Variants in EVL observed in about 807,000 individuals in gnomAD.
EVL encodes ena/VASP-like protein.
In EVL, 21 loss-of-function variants were observed where a neutral mutation model predicts 59.6. The observed-to-expected ratio is 0.35, with a 90% CI of 0.25 to 0.51. The LOEUF (loss-of-function observed/expected upper bound fraction) is 0.51. Ranked by LOEUF, EVL falls within the 20% of genes least tolerant of loss-of-function variation. The probability of loss-of-function intolerance (pLI) is 0.97; values close to 1 mark genes in which losing one functional copy is unlikely to be tolerated. For missense variants in EVL, 462 were observed against 546.6 expected, an observed-to-expected ratio of 0.85 and a Z score of 1.54; for synonymous variants, 198 against 203.5, an observed-to-expected ratio of 0.97 and a Z score of 0.23.
chr14:100,126,803 C>T (rs767809844), intron 5 of EVL, 32 bp downstream of exon 5: 3 of 1,604,978 alleles, frequency 1.9e-6, no homozygotes, highest in South Asian at 2.2e-5. Context: ...GGCCGACTCC[C>T]ATGCTGCTGC....
intron 1 of EVL, among the ~76,000 whole-genome samples, chr14:100,074,018 G>T (rs1301200085): frequency 1.3e-5 from 2 of 151,760 alleles, no homozygotes; most frequent in African/African-American, 4.9e-5. Flanking sequence ...CGGTGGGGGC[G>T]GGGGGTCGGG....
chr14:100,112,752 C>T (rs1887085582), intron 3 of EVL, among the ~76,000 whole-genome samples: 1 of 152,240 alleles, frequency 6.6e-6, no homozygotes, highest in Non-Finnish European at 1.5e-5. Flanking sequence ...GAACGACCCA[C>T]ACACATTCCT....
intron 1 of EVL, among the ~76,000 whole-genome samples, chr14:99,982,747 G>A (rs979811618): frequency 6.6e-6 from 1 of 152,150 alleles, no homozygotes; most frequent in Non-Finnish European, 1.5e-5. Context: ...AGTTAATGTA[G>A]GTATGTAAAG....
intron 2 of EVL, among the ~76,000 whole-genome samples, chr14:100,091,897 C>T (rs918055078): frequency 6.6e-5 from 10 of 152,080 alleles, no homozygotes; most frequent in African/African-American, 1.7e-4. Context: ...GGACACTTGA[C>T]GTCTACTTGA....
chr14:100,039,803 A>G (rs2061440359), intron 1 of EVL, among the ~76,000 whole-genome samples: 1 of 151,932 alleles, frequency 6.6e-6, no homozygotes. Context: ...TGTTTTTAAT[A>G]GAGACAGGGT....
intron 3 of EVL, among the ~76,000 whole-genome samples, chr14:100,118,189 G>C (rs926876067): frequency 6.6e-6 from 1 of 152,150 alleles, no homozygotes; most frequent in African/African-American, 2.4e-5. Context: ...GGCCACGCCT[G>C]ACCGCCCGAG....
chr14:100,113,008 T>TA (rs771252274), intron 3 of EVL, among the ~76,000 whole-genome samples: 7 of 152,182 alleles, frequency 4.6e-5, no homozygotes, highest in Admixed American at 2.6e-4. Flanking sequence ...CAGTGTATGT[T>TA]ATGCTATGAT....
intron 2 of EVL, among the ~76,000 whole-genome samples, chr14:100,091,394 C>CTCTG (rs58862757): frequency 0.28 from 42,137 of 152,010 alleles, 8,642 homozygotes; most frequent in African/African-American, 0.58. Context: ...GGTTTCCCCA[C>CTCTG]TCTGTTATTG....
At position 100,106,778 on chromosome 14, in the gene EVL, C is replaced by T. The variant is rs932157754; in HGVS notation, c.358+9120C>T. 1.8e-5 allele frequency: 7 copies of T among 398,292 alleles called. No homozygotes were observed. In the East Asian group the frequency reaches 1.8e-4, roughly 10 times the overall value. 24.7% of individuals were successfully genotyped at this position (398,292 alleles called of 1,614,324 possible). A position where few individuals can be genotyped will look rare whatever the true frequency, so the allele number is the denominator to read the frequency against. ...TTGCATCTGTGTCTTGCCTGGTTGT[C>T]GCTTAACAGTGCCATGGAGATAGCA... On this transcript the variant is annotated intron_variant, in intron 3 of 13. Transcript: ENST00000392920.
chr14:100,078,415 A>G (rs567227029), intron 1 of EVL, among the ~76,000 whole-genome samples: 46 of 152,310 alleles, frequency 3.0e-4, no homozygotes, highest in Admixed American at 2.7e-3. Flanking sequence ...GAATGAGGAC[A>G]TAGCAGTGCC....
chr14:100,097,041 A>G (rs1450189249), intron 2 of EVL: 1 of 156,776 alleles, frequency 6.4e-6, no homozygotes, highest in Admixed American at 6.1e-5. Context: ...CTTTATATCT[A>G]GAAGGTAAGC....
At chr14:100,103,501 G>T (rs1263137364) in intron 3 of EVL, among the ~76,000 whole-genome samples, 2 of 151,898 alleles carry the variant, frequency 1.3e-5, no homozygotes, top group South Asian at 4.2e-4. Flanking sequence ...TGGCCTCCTG[G>T]GACACTTGGT....
Position 100,141,774 on chromosome 14 carries a change from G to A in EVL, c.1200G>A (p.Val400=), listed in dbSNP as rs528714336. 37 of 1,613,310 alleles carry A rather than the reference G, an allele frequency of 2.3e-5. No homozygotes were observed. The highest frequency in any genetic ancestry group is 3.1e-5 in the Non-Finnish European group (36 of 1,179,962). The part of the protein sequence containing the change: ...LEEVVRELHK[V]KEEIIDAIRQ... The stretch of plus-strand genomic sequence containing the variant: ...AGGTGGTGAGAGAGCTCCACAAGGT[G>A]AAGGAGGAGATCATCGACGGTGAGT... Residue 400 remains valine (V), a synonymous_variant, in exon 13 of 14, where the codon GTG becomes GTA. Transcript: ENST00000392920.
chr14:100,000,414 C>T (rs1377572349), intron 1 of EVL, among the ~76,000 whole-genome samples: 2 of 137,616 alleles, frequency 1.5e-5, no homozygotes, highest in African/African-American at 5.5e-5. Flanking sequence ...GTGGCGCGAT[C>T]TCTGCTCACT....
intron 12 of EVL, among the ~76,000 whole-genome samples, 197 bp downstream of exon 12, chr14:100,141,443 G>C (rs968123116): frequency 6.6e-6 from 1 of 152,206 alleles, no homozygotes; most frequent in Non-Finnish European, 1.5e-5. Context: ...CCAGAACTAG[G>C]ATGTCCCTCA....
chr14:100,070,677 G>A (rs1300077454), intron 1 of EVL, among the ~76,000 whole-genome samples: 3 of 152,198 alleles, frequency 2.0e-5, no homozygotes, highest in Non-Finnish European at 4.4e-5. Flanking sequence ...TGTGTCTTCA[G>A]GGGTGTTTGT....
chr14:100,102,699 A>AC (rs1886298466), intron 3 of EVL, among the ~76,000 whole-genome samples: 1 of 151,982 alleles, frequency 6.6e-6, no homozygotes, highest in Non-Finnish European at 1.5e-5. Context: ...GCTGGCCCCT[A>AC]CCCACCCGTT....
Position 100,109,280 on chromosome 14 carries a change from C to T in EVL, c.358+11622C>T, listed in dbSNP as rs1336730889. ...CGTCTAAAGGGGCCCCGCCCCTGCC[C>T]TCATGCATGTTCTCTCCATACTCCT... is the stretch of plus-strand genomic sequence containing the variant. On this transcript the variant is annotated intron_variant, in intron 3 of 13. Transcript: ENST00000392920. The surrounding 1 kb of genome is among the most constrained non-coding windows in gnomAD (Gnocchi z 4.3). The T allele has an allele frequency of 3.0e-6, 1 of 331,656 alleles. No homozygotes were observed. The highest frequency in any genetic ancestry group is 5.9e-6 in the Non-Finnish European group (1 of 169,928). The allele number at this position is 331,656 out of a possible 1,614,324, so 20.5% of individuals were successfully genotyped here.
At chr14:100,058,039 TCA>T (rs1022247481) in intron 1 of EVL, among the ~76,000 whole-genome samples, 36 of 152,214 alleles carry the variant, frequency 2.4e-4, no homozygotes, top group African/African-American at 8.7e-4. Flanking sequence ...ACCCTTTCAT[TCA>T]CAAACATCCC....
Sources: gnomAD v4.1 joint callset for allele counts (sites outside exome capture counted in the v4.1 genomes callset) on GRCh38, gnomAD v4.1.1 for gene constraint, Gnocchi (gnomAD v3.1) non-coding constraint, MANE v1.5 for transcripts, NCBI Gene and HGNC (gene_info 2026-07-23, HGNC 2026-07-21) for gene names.